The following SLC35F3 variants were observed in gnomAD, a reference collection of about 807,000 sequenced individuals.
The protein encoded by SLC35F3 is solute carrier family 35 member F3, also known as putative thiamine transporter SLC35F3.
A neutral mutation model predicts 49.9 loss-of-function variants in SLC35F3; 25 were observed. That is an observed-to-expected ratio of 0.50 (90% CI 0.37 to 0.70). The LOEUF is 0.70. Ranked by LOEUF, SLC35F3 falls within the 30% of genes least tolerant of loss-of-function variation. SLC35F3 has a pLI of 0.00. For synonymous variants in SLC35F3, 275 were observed against 265.4 expected, an observed-to-expected ratio of 1.04 and a Z score of -0.35; for missense variants, 525 against 639.8, an observed-to-expected ratio of 0.82 and a Z score of 1.94.
At chr1:233,958,455 A>G (rs970434946) in intron 2 of SLC35F3, among the ~76,000 whole-genome samples, 1 of 152,244 alleles carries the variant, frequency 6.6e-6, no homozygotes, top group African/African-American at 2.4e-5. Context: ...GAATGAGCTT[A>G]TTTATACCTA....
chr1:234,023,798 C>T (rs1181731467), intron 2 of SLC35F3, among the ~76,000 whole-genome samples: 1 of 150,654 alleles, frequency 6.6e-6, no homozygotes, highest in Admixed American at 6.7e-5. Flanking sequence ...TCCCCGAGCC[C>T]AATAACGCCA....
intron 2 of SLC35F3, among the ~76,000 whole-genome samples, chr1:233,931,895 A>G (rs1175341598): frequency 6.6e-6 from 1 of 152,206 alleles, no homozygotes; most frequent in African/African-American, 2.4e-5. Context: ...AACCAACCCA[A>G]ATGTCCATCA....
chr1:234,114,336 G>A (rs1011109433), intron 2 of SLC35F3, among the ~76,000 whole-genome samples: 1 of 152,178 alleles, frequency 6.6e-6, no homozygotes, highest in Non-Finnish European at 1.5e-5. Context: ...AGTTTTTGTT[G>A]TTATTGCTGT....
intron 2 of SLC35F3, among the ~76,000 whole-genome samples, chr1:234,094,277 G>C (rs1237762620): frequency 6.6e-6 from 1 of 152,214 alleles, no homozygotes; most frequent in East Asian, 1.9e-4. Flanking sequence ...TCTGTTTCTG[G>C]AGGGAGACCA....
intron 2 of SLC35F3, among the ~76,000 whole-genome samples, chr1:234,146,505 T>TTTTTTTTTTTTTTTTTTTTTTTTG (rs1553309510): frequency 7.2e-6 from 1 of 138,030 alleles, no homozygotes; most frequent in East Asian, 2.1e-4. Context: ...TTTTTTTTTT[T>TTTTTTTTTTTTTTTTTTTTTTTTG]CTGGAGACGG....
intron 2 of SLC35F3, among the ~76,000 whole-genome samples, chr1:233,912,823 C>T (rs958924688): frequency 5.9e-5 from 9 of 152,148 alleles, no homozygotes; most frequent in Non-Finnish European, 1.2e-4. Flanking sequence ...TGGAATTTTC[C>T]TTTTAGTATT....
intron 2 of SLC35F3, among the ~76,000 whole-genome samples, chr1:234,063,592 G>T (rs1004305155): frequency 1.3e-5 from 2 of 151,990 alleles, no homozygotes; most frequent in Non-Finnish European, 2.9e-5. Flanking sequence ...AATCCTAAAT[G>T]GGTCCTGTTA....
chr1:234,155,178 A>G (rs1210291788), intron 2 of SLC35F3, among the ~76,000 whole-genome samples: 1 of 152,104 alleles, frequency 6.6e-6, no homozygotes, highest in African/African-American at 2.4e-5. Flanking sequence ...GAATCTGTGT[A>G]TGCAAACTCG....
intron 4 of SLC35F3, among the ~76,000 whole-genome samples, chr1:234,316,368 A>T (rs1405594420): frequency 6.6e-6 from 1 of 152,236 alleles, no homozygotes; most frequent in East Asian, 1.9e-4. Context: ...TGCTGCCAGC[A>T]GTTTCAGTTC....
intron 2 of SLC35F3, among the ~76,000 whole-genome samples, chr1:234,193,393 A>G (rs923831479): frequency 3.3e-5 from 5 of 152,070 alleles, no homozygotes; most frequent in Non-Finnish European, 7.4e-5. Flanking sequence ...CAAGCTGCAT[A>G]TAGGAGGATA....
intron 2 of SLC35F3, among the ~76,000 whole-genome samples, chr1:234,175,115 T>C (rs1262478858): frequency 3.3e-5 from 5 of 152,206 alleles, no homozygotes; most frequent in Non-Finnish European, 7.3e-5. Context: ...TTTTGTATCT[T>C]GAGTGGGGCT....
intron 3 of SLC35F3, among the ~76,000 whole-genome samples, chr1:234,295,270 A>G (rs79537472): frequency 0.023 from 3,464 of 152,364 alleles, 54 homozygotes; most frequent in African/African-American, 0.028. Flanking sequence ...TGGAATTCCC[A>G]TAGGGTAATT....
chr1:234,135,869 T>C (rs184550394), intron 2 of SLC35F3, among the ~76,000 whole-genome samples: 3 of 152,376 alleles, frequency 2.0e-5, no homozygotes, highest in Non-Finnish European at 4.4e-5. Flanking sequence ...AGTTCACTGA[T>C]GCCAGCCAAG....
At chr1:234,042,111 G>C (rs2102853594) in intron 2 of SLC35F3, among the ~76,000 whole-genome samples, 1 of 152,268 alleles carries the variant, frequency 6.6e-6, no homozygotes, top group Admixed American at 6.5e-5. Context: ...CTCCTCCGAA[G>C]TCAACTTGCC....
chr1:234,289,935 CAA>C (rs1205531794), intron 3 of SLC35F3, among the ~76,000 whole-genome samples: 1 of 152,132 alleles, frequency 6.6e-6, no homozygotes, highest in Non-Finnish European at 1.5e-5. Flanking sequence ...CTGCACAAAC[CAA>C]AAGAGCTTTA....
At position 234,289,540 on chromosome 1, in the gene SLC35F3, C is replaced by T. The variant is rs117274749; in HGVS notation, c.609-19561C>T. 5.3e-5 allele frequency among the ~76,000 whole-genome samples: 8 copies of T among 152,288 alleles called. No individual in the cohort carries two copies. The East Asian group carries it at 5.8e-4, about 11-fold the overall frequency. On this transcript the variant is annotated intron_variant, in intron 3 of 7. Coordinates refer to ENST00000366618, the MANE Select transcript of SLC35F3 (RefSeq NM_173508.4). ...GGAGTAACTCTGCCTATCAGACCAG[C>T]GTTATGGCACAGAAATCACCCACCC...
At chr1:233,948,358 T>G (rs542807903) in intron 2 of SLC35F3, among the ~76,000 whole-genome samples, 2 of 152,066 alleles carry the variant, frequency 1.3e-5, no homozygotes, top group Non-Finnish European at 2.9e-5. Flanking sequence ...TCCAGCCCCA[T>G]CTTTGATCTT....
At chr1:234,221,368 G>A (rs779069787) in intron 2 of SLC35F3, among the ~76,000 whole-genome samples, 7 of 152,240 alleles carry the variant, frequency 4.6e-5, no homozygotes, top group Non-Finnish European at 7.4e-5. Context: ...TTAATGCAAC[G>A]GTGGCCTAGA....
At chr1:234,028,304 C>T (rs753505695) in intron 2 of SLC35F3, among the ~76,000 whole-genome samples, 1 of 152,160 alleles carries the variant, frequency 6.6e-6, no homozygotes, top group Non-Finnish European at 1.5e-5. Flanking sequence ...GTGTGGTCTA[C>T]GTAGCTCTAC....
Sources: gnomAD v4.1 joint callset for allele counts (sites outside exome capture counted in the v4.1 genomes callset) on GRCh38, gnomAD v4.1.1 for gene constraint, MANE v1.5 for transcripts, NCBI Gene and HGNC (gene_info 2026-07-23, HGNC 2026-07-21) for gene names.